The following SDR42E2 variants were observed in gnomAD, a reference collection of about 807,000 sequenced individuals.
The protein encoded by SDR42E2 is short chain dehydrogenase/reductase family 42E, member 2, also known as putative short-chain dehydrogenase/reductase family 42E member 2.
SDR42E2 carries 20 observed loss-of-function variants against 10.5 expected under a neutral mutation model. The observed-to-expected ratio is 1.90, with a 90% CI of 1.34 to 2.77. The LOEUF (loss-of-function observed/expected upper bound fraction) is 2.77, where lower values mean the gene tolerates loss of function less well. SDR42E2 is among the 30% of genes most tolerant of loss of function. SDR42E2 has a pLI of 0.00. For missense variants in SDR42E2, 162 were observed against 104.2 expected (o/e 1.55, Z -2.42); for synonymous variants, 72 against 39.2 (o/e 1.84, Z -3.12).
chr16:22,177,100 A>G (rs2046650732), intron 7 of SDR42E2, among the ~76,000 whole-genome samples: 1 of 152,178 alleles, frequency 6.6e-6, no homozygotes, highest in Non-Finnish European at 1.5e-5. Flanking sequence ...TCAGGTCCCC[A>G]TCTCAGCTCC....
chr16:22,186,647 A>AT (rs1165509071), intron 11 of SDR42E2, 74 bp from the exon 12 acceptor site: 1 of 401,110 alleles, frequency 2.5e-6, no homozygotes, highest in Non-Finnish European at 4.4e-6. Flanking sequence ...TCCCCCATTG[A>AT]TTTGTCCCCA....
chr16:22,183,952 AT>A (rs906178521), intron 10 of SDR42E2, among the ~76,000 whole-genome samples: 1 of 149,644 alleles, frequency 6.7e-6, no homozygotes. Context: ...AAAAAAAAAA[AT>A]TTTAACTAAC....
At chr16:22,177,483 C>A (rs1033315247) in intron 7 of SDR42E2, among the ~76,000 whole-genome samples, 5 of 152,036 alleles carry the variant, frequency 3.3e-5, no homozygotes, top group African/African-American at 1.2e-4. Context: ...CAAAAATTAG[C>A]TGGGCATGGT....
At chr16:22,167,906 T>G (rs976981500) in intron 4 of SDR42E2, among the ~76,000 whole-genome samples, 1 of 152,204 alleles carries the variant, frequency 6.6e-6, no homozygotes, top group Non-Finnish European at 1.5e-5. Flanking sequence ...CACATGCTTA[T>G]ATGCTGATAT....
At chr16:22,178,438 C>T (rs998737504) in intron 8 of SDR42E2, among the ~76,000 whole-genome samples, 3 of 152,184 alleles carry the variant, frequency 2.0e-5, no homozygotes, top group African/African-American at 7.2e-5. Context: ...AGCCAAGGCA[C>T]GGGTAGAGGA....
chr16:22,185,388 G>A (rs928482501), intron 11 of SDR42E2, among the ~76,000 whole-genome samples: 4 of 152,124 alleles, frequency 2.6e-5, no homozygotes, highest in East Asian at 1.9e-4. Context: ...CAGCATTGCC[G>A]CAGTGATTGG....
chr16:22,172,318 G>T lies in SDR42E2; in HGVS notation c.576G>T (p.Gly192=). ...ACCAATTGACCCTCATGGCCAATGG[G>T]ATGCCTCTCCCAGGTGAGTATCATG... ...IADQLTLMAN[G]MPLPGGGTLR... Residue 192 remains glycine, a synonymous_variant, in exon 7 of 13, where the codon GGG becomes GGT. Coordinates refer to ENST00000602312, the MANE Select transcript of SDR42E2 (RefSeq NM_001394319.2). 2 of 703,404 alleles carry T rather than the reference G, an allele frequency of 2.8e-6. No individual in the cohort carries two copies. The highest frequency in any genetic ancestry group is 5.4e-5 in the East Asian group (2 of 37,292). 43.6% of individuals were successfully genotyped at this position (703,404 alleles called of 1,614,324 possible).
rs1286343442 is a variant in SDR42E2 at position 22,191,489 on chromosome 16, A to T, written c.*1096A>T. The T allele has an allele frequency of 6.6e-6, 1 of 152,160 alleles. No homozygotes were observed. The highest frequency in any genetic ancestry group is 1.5e-5 in the Non-Finnish European group (1 of 68,026). The allele number at this position is 152,160 out of a possible 1,614,324, so 9.4% of individuals were successfully genotyped here. A position where few individuals can be genotyped will look rare whatever the true frequency, so the allele number is the denominator to read the frequency against. On this transcript the variant is annotated 3_prime_UTR_variant, in exon 13 of 13. Coordinates refer to ENST00000602312, the MANE Select transcript of SDR42E2 (RefSeq NM_001394319.2). The stretch of plus-strand genomic sequence containing the variant: ...GCCGTCGGCTGCTGCTCTGTCTGGT[A>T]ACATTGCATTCGATCCACCCCGACC...
rs770127250 is a variant in SDR42E2, at chr16:22,162,672, G to A, written c.-37+108G>A. On this transcript the variant is annotated intron_variant, in intron 1 of 12. Transcript: ENST00000602312. The stretch of plus-strand genomic sequence containing the variant: ...ACCCCCACCCTGGAGCTGCCCGCGA[G>A]CCCAGCGCTCTCAGGGTCAGTCCCT... Among the ~76,000 whole-genome samples the A allele has an allele frequency of 7.2e-4, 109 of 152,300 alleles. 1 individual carries two copies. Among genetic ancestry groups the A allele is most frequent in the Non-Finnish European group, 1.2e-3 (80 of 68,002 alleles).
intron 7 of SDR42E2, among the ~76,000 whole-genome samples, chr16:22,173,224 A>AT (rs938404272): frequency 4.6e-5 from 7 of 150,806 alleles, no homozygotes; most frequent in Admixed American, 6.6e-5. Flanking sequence ...TTAATCTCTT[A>AT]TTTTTTTTTC....
chr16:22,168,509 G>A (rs149808127), intron 4 of SDR42E2, among the ~76,000 whole-genome samples: 4 of 151,626 alleles, frequency 2.6e-5, no homozygotes, highest in South Asian at 2.1e-4. Context: ...GAAGTGATCC[G>A]CCCACCTCGG....
intron 7 of SDR42E2, 86 bp from the exon 8 acceptor site, chr16:22,178,044 C>A (rs1048752533): frequency 4.2e-5 from 28 of 660,456 alleles, no homozygotes; most frequent in Middle Eastern, 4.8e-4. Flanking sequence ...TCCAGGTAAG[C>A]ACCAACAGAT....
chr16:22,175,022 C>T (rs553343413), intron 7 of SDR42E2, among the ~76,000 whole-genome samples: 20 of 152,228 alleles, frequency 1.3e-4, no homozygotes, highest in African/African-American at 2.4e-4. Flanking sequence ...CGCAGAGGTC[C>T]GTAGTCCTGG....
intron 7 of SDR42E2, 34 bp downstream of exon 7, chr16:22,172,365 C>G (rs1294076227): frequency 1.4e-6 from 1 of 703,442 alleles, no homozygotes; most frequent in Non-Finnish European, 2.6e-6. Flanking sequence ...GTACCAAATG[C>G]ACCTGCCCAC....
At chr16:22,177,095 T>A (rs62047205) in intron 7 of SDR42E2, among the ~76,000 whole-genome samples, 16,968 of 152,116 alleles carry the variant, frequency 0.11, 1,430 homozygotes, top group East Asian at 0.49. Context: ...GGACTTCAGG[T>A]CCCCATCTCA....
chr16:22,177,667 G>A (rs1258922914), intron 7 of SDR42E2, among the ~76,000 whole-genome samples: 6 of 151,888 alleles, frequency 4.0e-5, no homozygotes, highest in South Asian at 4.2e-4. Context: ...AAAAGGAAAA[G>A]GAAAAGGAAA....
rs541185236 is a variant in SDR42E2, at chr16:22,176,132, T to C, written c.590-1998T>C. On this transcript the variant is annotated intron_variant, in intron 7 of 12. Coordinates refer to ENST00000602312, the MANE Select transcript of SDR42E2 (RefSeq NM_001394319.2). ...AATAGCTAGAAGAGTGGATTTTTTT[T>C]CTTTGGGACAGGGTCTCGCTCTGTC... is the stretch of plus-strand genomic sequence containing the variant. 1.5e-4 allele frequency among the ~76,000 whole-genome samples: 23 copies of C among 151,944 alleles called. No homozygotes were observed. In the East Asian group the frequency reaches 3.7e-3, roughly 24 times the overall value.
At chr16:22,182,348 T>A (rs1262239059) in intron 10 of SDR42E2, 71 bp downstream of exon 10, 1 of 400,222 alleles carries the variant, frequency 2.5e-6, no homozygotes, top group African/African-American at 2.1e-5. Context: ...CCTTTTTATT[T>A]TTTTTTTTAA....
At chr16:22,170,329 G>C (rs933566950) in intron 5 of SDR42E2, among the ~76,000 whole-genome samples, 2 of 152,088 alleles carry the variant, frequency 1.3e-5, no homozygotes, top group African/African-American at 4.8e-5. Flanking sequence ...ACTCCAGCCT[G>C]GGCAACAAGA....
Sources: allele counts gnomAD v4.1 joint callset (sites outside exome capture counted in the v4.1 genomes callset), GRCh38; gene constraint gnomAD v4.1.1; transcripts MANE v1.5; gene names NCBI Gene and HGNC (gene_info 2026-07-23, HGNC 2026-07-21).